The following FAM3B variants were observed in gnomAD, a reference collection of about 807,000 sequenced individuals.
FAM3B encodes FAM3 metabolism regulating signaling molecule B, also known as protein FAM3B.
Under a neutral mutation model 28.4 loss-of-function variants are expected in FAM3B, and 29 were observed. That is an observed-to-expected ratio of 1.02 (90% CI 0.76 to 1.39). The LOEUF is 1.39. Among genes scored for constraint, FAM3B ranks in the 40% most tolerant of loss-of-function variants. The pLI is 0.00. For missense variants in FAM3B, 266 were observed against 293.9 expected (o/e 0.91, Z 0.69); for synonymous variants, 91 against 103.0 (o/e 0.88, Z 0.71).
At chr21:41,346,959 G>C in intron 5 of FAM3B, 54 bp from the exon 6 acceptor site, 1 of 1,528,310 alleles carries the variant, frequency 6.5e-7, no homozygotes, top group Non-Finnish European at 9.1e-7. Context: ...AGCACCCAAG[G>C]CAGAGCCTCA....
chr21:41,356,600 A>G (rs549841492), intron 7 of FAM3B, among the ~76,000 whole-genome samples: 6 of 152,352 alleles, frequency 3.9e-5, no homozygotes, highest in African/African-American at 1.4e-4. Context: ...AAGTGTGGCT[A>G]GGGGCTACTC....
intron 2 of FAM3B, among the ~76,000 whole-genome samples, chr21:41,328,609 C>T (rs898002126): frequency 6.6e-6 from 1 of 152,166 alleles, no homozygotes; most frequent in African/African-American, 2.4e-5. Context: ...TTCCAAAGTG[C>T]TGGAATTACA....
At chr21:41,308,329 G>A (rs1329930177) in intron 1 of FAM3B, among the ~76,000 whole-genome samples, 1 of 151,606 alleles carries the variant, frequency 6.6e-6, no homozygotes, top group African/African-American at 2.4e-5. Context: ...CAGGCTCAGA[G>A]AGGTTAAATG....
chr21:41,338,988 T>A (rs1327697390), intron 3 of FAM3B, among the ~76,000 whole-genome samples: 1 of 152,238 alleles, frequency 6.6e-6, no homozygotes, highest in African/African-American at 2.4e-5. Flanking sequence ...TCCTTCAAAG[T>A]CATGGGAACA....
At chr21:41,343,365 A>C (rs1160176353) in intron 3 of FAM3B, among the ~76,000 whole-genome samples, 2 of 152,228 alleles carry the variant, frequency 1.3e-5, no homozygotes, top group East Asian at 3.8e-4. Context: ...GTATACAACC[A>C]GATCTTTAAC....
intron 3 of FAM3B, 102 bp from the exon 4 acceptor site, chr21:41,344,374 G>A (rs983150430): frequency 5.9e-5 from 62 of 1,051,142 alleles, no homozygotes; most frequent in Middle Eastern, 4.2e-4. Flanking sequence ...GGAAAAGGTG[G>A]GGGACAGCAG....
At chr21:41,312,533 G>C (rs11909286), upstream of FAM3B, among the ~76,000 whole-genome samples, 4,569 of 152,224 alleles carry the variant, frequency 0.03, 216 homozygotes, top group African/African-American at 0.1. Context: ...AGTATAAATT[G>C]AATGATCACT....
chr21:41,318,722 C>G (rs973615837), intron 1 of FAM3B, among the ~76,000 whole-genome samples: 1 of 152,188 alleles, frequency 6.6e-6, no homozygotes, highest in South Asian at 2.1e-4. Flanking sequence ...GCTTCCCTGT[C>G]CTCGTTCAGG....
chr21:41,305,230 A>G (rs775168134), intron 1 of FAM3B, among the ~76,000 whole-genome samples: 4 of 152,132 alleles, frequency 2.6e-5, no homozygotes, highest in Non-Finnish European at 4.4e-5. Flanking sequence ...ATAGAAAAGA[A>G]AGTGGGGTTG....
Position 41,311,285 on chromosome 21 carries a change from T to A in FAM3B, n.99+6975T>A, listed in dbSNP as rs1229506402. On this transcript the variant is annotated intron_variant and non_coding_transcript_variant, in intron 1 of 9. Coordinates refer to the FAM3B transcript ENST00000479810. ...ATATATATATATATATATATATATA[T>A]ATATATATATATGTATATATACAAA... Among the ~76,000 whole-genome samples the A allele has an allele frequency of 2.1e-3, 197 of 94,666 alleles. 6 individuals carry two copies. The highest frequency in any genetic ancestry group is 3.3e-3 in the Non-Finnish European group (162 of 48,836). 62.1% of individuals were successfully genotyped at this position (94,666 alleles called of 152,430 possible). A position where few individuals can be genotyped will look rare whatever the true frequency, so the allele number is the denominator to read the frequency against.
At chr21:41,322,566 T>C (rs1256516013) in intron 1 of FAM3B, 3 of 716,306 alleles carry the variant, frequency 4.2e-6, no homozygotes, top group Non-Finnish European at 7.8e-6. Context: ...ACAAAGGGAA[T>C]GAGGCGCTTT....
chr21:41,311,629 C>A lies in FAM3B; in HGVS notation n.99+7319C>A, dbSNP rs1160067635. Among the ~76,000 whole-genome samples, 8 of 152,028 alleles carry A rather than the reference C, an allele frequency of 5.3e-5. No individual in the cohort carries two copies. The East Asian group carries it at 1.5e-3, about 29-fold the overall frequency. ...AGAATGACATTGTCTTACATTTTTG[C>A]AAATCTCTTTAATGTCCTTAGCAGA... On this transcript the variant is annotated intron_variant and non_coding_transcript_variant, in intron 1 of 9. Transcript: ENST00000479810.
At chr21:41,324,492 TA>T (rs2088838387) in intron 2 of FAM3B, among the ~76,000 whole-genome samples, 1 of 152,228 alleles carries the variant, frequency 6.6e-6, no homozygotes, top group African/African-American at 2.4e-5. Context: ...GCTTTATACA[TA>T]GATTATCTGT....
At chr21:41,355,438 G>T (rs1425873930) in intron 7 of FAM3B, among the ~76,000 whole-genome samples, 2 of 152,134 alleles carry the variant, frequency 1.3e-5, no homozygotes, top group Non-Finnish European at 2.9e-5. Context: ...TGATTAATGG[G>T]TAAGAAATGT....
At chr21:41,336,001 A>G (rs988068058) in intron 2 of FAM3B, among the ~76,000 whole-genome samples, 1 of 152,196 alleles carries the variant, frequency 6.6e-6, no homozygotes, top group African/African-American at 2.4e-5. Context: ...CTCATCTGTC[A>G]GTATTAAGAG....
At chr21:41,309,542 A>G (rs2088698808) in intron 1 of FAM3B, among the ~76,000 whole-genome samples, 1 of 152,248 alleles carries the variant, frequency 6.6e-6, no homozygotes, top group Non-Finnish European at 1.5e-5. Flanking sequence ...AGATCAAACC[A>G]TCTAAAACTT....
Position 41,323,022 on chromosome 21 carries a change from C to T in FAM3B, c.119C>T (p.Ala40Val). Residue 40 changes from alanine to valine, a missense_variant, in exon 2 of 8, where the codon GCT (alanine) becomes GTT (valine). Transcript: ENST00000357985. ...ATTCCAGATGCACCCCTGTCCAGTG[C>T]TGCCTATAGCATCCGCAGCATCGGG... ...ELIPDAPLSS[A>V]AYSIRSIGER... is the part of the protein sequence containing the mutation. 6.2e-7 allele frequency: 1 copy of T among 1,609,404 alleles called. No homozygotes were observed. Among genetic ancestry groups the T allele is most frequent in the East Asian group, 2.2e-5 (1 of 44,882 alleles).
intron 7 of FAM3B, among the ~76,000 whole-genome samples, chr21:41,356,299 A>T (rs954299001): frequency 7.2e-5 from 11 of 152,186 alleles, no homozygotes; most frequent in African/African-American, 2.7e-4. Context: ...GTAAATTGAA[A>T]ATTTACATGT....
In FAM3B at chr21:41,322,610, C is replaced by T. The variant is rs1033166799; in HGVS notation, c.20-313C>T. 22 of 717,386 alleles carry T rather than the reference C, an allele frequency of 3.1e-5. No homozygotes were observed. In the African/African-American group the frequency reaches 3.1e-4, roughly 10 times the overall value. The allele number at this position is 717,386 out of a possible 1,614,324, so 44.4% of individuals were successfully genotyped here. A position where few individuals can be genotyped will look rare whatever the true frequency, so the allele number is the denominator to read the frequency against. ...CAGGTTCACGTTGGGCATGCTGGCT[C>T]ACAAGGTGCTTGATTAGCTGCTTTG... On this transcript the variant is annotated intron_variant, in intron 1 of 7. Coordinates refer to ENST00000357985, the MANE Select transcript of FAM3B (RefSeq NM_058186.4).
Sources: gnomAD v4.1 joint callset for allele counts (sites outside exome capture counted in the v4.1 genomes callset) on GRCh38, gnomAD v4.1.1 for gene constraint, MANE v1.5 for transcripts, NCBI Gene and HGNC (gene_info 2026-07-23, HGNC 2026-07-21) for gene names.